The following ADPRM variants were observed in gnomAD, a reference collection of about 807,000 sequenced individuals.
The protein encoded by ADPRM is manganese-dependent ADP-ribose/CDP-alcohol diphosphatase.
Under a neutral mutation model 27.2 loss-of-function variants are expected in ADPRM, and 17 were observed. That is an observed-to-expected ratio of 0.63 (90% CI 0.43 to 0.94). The LOEUF (loss-of-function observed/expected upper bound fraction) is 0.94. Among genes scored for constraint, ADPRM ranks in the 40% least tolerant of loss-of-function variants. The pLI, the probability that ADPRM is intolerant of heterozygous loss-of-function variation, is 0.00. For synonymous variants in ADPRM, 135 were observed against 145.3 expected (o/e 0.93, Z 0.51); for missense variants, 337 against 412.8 (o/e 0.82, Z 1.59).
In ADPRM at chr17:10,705,265, C is replaced by G; in HGVS notation, c.339C>G (p.Phe113Leu). ...ATCATACATGGGGAAACCATGAATT[C>G]TATAACTTCAGTAGAGAGTATTTAA... ...PVHHTWGNHE[F>L]YNFSREYLTH... Residue 113 changes from phenylalanine (F) to leucine (L), a missense_variant, in exon 2 of 4, where the codon TTC (phenylalanine) becomes TTG (leucine). Physicochemically the swap from Phe to Leu is conservative, Grantham distance 22. Transcript: ENST00000379774. This position sits in a 1 kb window ranked among gnomAD's most constrained non-coding sequence, Gnocchi z 5.4. 7.4e-6 allele frequency: 12 copies of G among 1,614,016 alleles called. No individual in the cohort carries two copies. Among genetic ancestry groups the G allele is most frequent in the Non-Finnish European group, 1.0e-5 (12 of 1,179,966 alleles).
At position 10,706,444 on chromosome 17, in the gene ADPRM, C is replaced by G; in HGVS notation, c.608C>G (p.Ser203Cys). The G allele has an allele frequency of 6.3e-7, 1 of 1,597,540 alleles. No individual in the cohort carries two copies. Among genetic ancestry groups the G allele is most frequent in the East Asian group, 2.3e-5 (1 of 43,732 alleles). ...NTELNSPQGL[S>C]EPQFVQFNGG... ...CTTACTGAATTCATTTCAGGACTTT[C>G]TGAGCCCCAGTTTGTCCAGTTTAAT... Residue 203 changes from serine (S) to cysteine (C), a missense_variant, in exon 3 of 4, where the codon TCT (serine) becomes TGT (cysteine). Transcript: ENST00000379774.
rs1294479208 is a variant in ADPRM at position 10,701,305 on chromosome 17, A to AATTTTCT, written c.-17-3604_-17-3598dup. Among the ~76,000 whole-genome samples, 6 of 152,084 alleles carry AATTTTCT rather than the reference A, an allele frequency of 3.9e-5. No homozygotes were observed. In the East Asian group the frequency reaches 9.6e-4, roughly 24 times the overall value. On this transcript the variant is annotated intron_variant, in intron 1 of 3. Transcript: ENST00000379774. ...AGATTTGATTTTCTCTAAAGTTTTG[A>AATTTTCT]ATTTTCTTTTTTAAAAAAACTTTAT...
At chr17:10,700,856 T>A (rs149611583) in intron 1 of ADPRM, among the ~76,000 whole-genome samples, 127 of 152,296 alleles carry the variant, frequency 8.3e-4, no homozygotes, top group African/African-American at 3.0e-3. Flanking sequence ...ATAGGAATTT[T>A]GAGAGCAACT....
In ADPRM at chr17:10,704,233, C is replaced by T. The variant is rs75519383; in HGVS notation, c.-17-677C>T. 1.2e-3 allele frequency among the ~76,000 whole-genome samples: 189 copies of T among 152,108 alleles called. 1 individual carries two copies. In the East Asian group the frequency reaches 0.022, roughly 18 times the overall value. ...ATTTTAATCCCAGCTATTGAAGAAC[C>T]GGGAACCACTGCTCACAGAAATGAT... On this transcript the variant is annotated intron_variant, in intron 1 of 3. Coordinates refer to ENST00000379774, the MANE Select transcript of ADPRM (RefSeq NM_020233.5).
At position 10,711,414 on chromosome 17, in the gene ADPRM, CCCTA is replaced by C. The variant is rs1024410637; in HGVS notation, c.*274_*277del. 3.4e-4 allele frequency among the ~76,000 whole-genome samples: 52 copies of C among 152,166 alleles called. No homozygotes were observed. Among genetic ancestry groups the C allele is most frequent in the African/African-American group, 1.1e-3 (44 of 41,526 alleles). On this transcript the variant is annotated 3_prime_UTR_variant, in exon 4 of 4. Coordinates refer to ENST00000379774, the MANE Select transcript of ADPRM (RefSeq NM_020233.5). Reference sequence around the variant, plus strand: ...AGTCCTCATGAGGGATCTTATTTGGCCCTACCTGATTTTTTTTAACTTTTTACAA... The same window carrying C: ...AGTCCTCATGAGGGATCTTATTTGGCCCTGATTTTTTTTAACTTTTTACAA...
chr17:10,705,199 A>G lies in ADPRM; in HGVS notation c.273A>G (p.Glu91=). 3.7e-6 allele frequency: 6 copies of G among 1,614,116 alleles called. No individual in the cohort carries two copies. Among genetic ancestry groups the G allele is most frequent in the Non-Finnish European group, 5.1e-6 (6 of 1,180,004 alleles). ...AQYNASKKSL[E]LVMDMFKRLK... is the part of the protein sequence containing the mutation. Reference sequence around the variant, plus strand: ...ATAATGCATCCAAAAAGTCCCTAGAACTTGTTATGGACATGTTCAAGAGGC... The same window carrying G: ...ATAATGCATCCAAAAAGTCCCTAGAGCTTGTTATGGACATGTTCAAGAGGC... Residue 91 remains glutamate (E), a synonymous_variant, in exon 2 of 4, where the codon GAA becomes GAG. Transcript: ENST00000379774. This position sits in a 1 kb window ranked among gnomAD's most constrained non-coding sequence, Gnocchi z 5.4.
At chr17:10,709,431 T>TCCGAGGACCAAG (rs1178905768) in intron 3 of ADPRM, among the ~76,000 whole-genome samples, 1 of 151,926 alleles carries the variant, frequency 6.6e-6, no homozygotes. Context: ...AATAGAGAAG[T>TCCGAGGACCAAG]CCGAGGACCA....
At chr17:10,706,379 G>T in intron 2 of ADPRM, 59 bp from the exon 3 acceptor site, 1 of 1,188,274 alleles carries the variant, frequency 8.4e-7, no homozygotes, top group South Asian at 1.4e-5. Flanking sequence ...AACTAAATTT[G>T]AATGTCCAAA....
Position 10,705,782 on chromosome 17 carries a change from A to G in ADPRM, c.601+255A>G, listed in dbSNP as rs1022271574. ...TTCCGAGCTGTAAACAATACTAACA[A>G]TATTACTTTTTTGATGGATGGAATG... On this transcript the variant is annotated intron_variant, in intron 2 of 3. Transcript: ENST00000379774. This position sits in a 1 kb window ranked among gnomAD's most constrained non-coding sequence, Gnocchi z 5.4. 22 of 499,444 alleles carry G rather than the reference A, an allele frequency of 4.4e-5. No homozygotes were observed. Among genetic ancestry groups the G allele is most frequent in the South Asian group, 1.2e-4 (5 of 41,750 alleles). 30.9% of individuals were successfully genotyped at this position (499,444 alleles called of 1,614,324 possible).
chr17:10,701,739 T>C (rs2074780646), intron 1 of ADPRM, among the ~76,000 whole-genome samples: 1 of 152,218 alleles, frequency 6.6e-6, no homozygotes, highest in South Asian at 2.1e-4. Context: ...TGTCTGTATT[T>C]GATGGAGGGA....
chr17:10,706,219 G>A (rs2074811602), intron 2 of ADPRM, among the ~76,000 whole-genome samples: 1 of 152,144 alleles, frequency 6.6e-6, no homozygotes, highest in Admixed American at 6.6e-5. Context: ...TTAATATAAT[G>A]GAAAGCCAGC....
rs748430883 is a variant in ADPRM, at chr17:10,710,999, A to G, written c.884A>G (p.Asn295Ser). The G allele has an allele frequency of 1.3e-5, 21 of 1,614,022 alleles. 1 individual carries two copies. In the East Asian group the frequency reaches 2.5e-4, roughly 19 times the overall value. The change falls in exon 4 of 4, where the codon AAC becomes AGC. Residue 295 changes from asparagine to serine, a missense_variant. Asn to Ser is a conservative substitution (Grantham distance 46). Coordinates refer to ENST00000379774, the MANE Select transcript of ADPRM (RefSeq NM_020233.5). Reference sequence around the variant, plus strand: ...GATCCTTTTGGTGTATACCACGTCAACCTAGAAGGAGTTATTGAAACAGCT... The same window carrying G: ...GATCCTTTTGGTGTATACCACGTCAGCCTAGAAGGAGTTATTGAAACAGCT... ...SEDPFGVYHV[N>S]LEGVIETAPD...
Position 10,705,530 on chromosome 17 carries a change from G to A in ADPRM, c.601+3G>A. 1 of 1,609,406 alleles carries A rather than the reference G, an allele frequency of 6.2e-7. No individual in the cohort carries two copies. Among genetic ancestry groups the A allele is most frequent in the Non-Finnish European group, 8.5e-7 (1 of 1,177,232 alleles). ...TACGGAACTGAATAGTCCTCAAGGT[G>A]AATTATTCCTTTGAGCTGAGAATCT... is the stretch of plus-strand genomic sequence containing the variant. On this transcript the variant is annotated splice_donor_region_variant and intron_variant, in intron 2 of 3. Transcript: ENST00000379774. This position sits in a 1 kb window ranked among gnomAD's most constrained non-coding sequence, Gnocchi z 5.4.
chr17:10,699,675 C>T (rs114509289), intron 1 of ADPRM, among the ~76,000 whole-genome samples: 486 of 151,876 alleles, frequency 3.2e-3, no homozygotes, highest in African/African-American at 0.011. Context: ...GAGGTGCGTG[C>T]CACCAGGCCT....
At chr17:10,697,936 C>CT in intron 1 of ADPRM, 1 of 183,722 alleles carries the variant, frequency 5.4e-6, no homozygotes, top group South Asian at 1.3e-4. Context: ...CCCCATAACC[C>CT]TACCTTGTCT....
Position 10,702,259 on chromosome 17 carries a change from G to C in ADPRM, c.-17-2651G>C, listed in dbSNP as rs1445991275. Among the ~76,000 whole-genome samples the C allele has an allele frequency of 6.6e-6, 1 of 152,182 alleles. No homozygotes were observed. Among genetic ancestry groups the C allele is most frequent in the Non-Finnish European group, 1.5e-5 (1 of 68,036 alleles). On this transcript the variant is annotated intron_variant, in intron 1 of 3. Coordinates refer to ENST00000379774, the MANE Select transcript of ADPRM (RefSeq NM_020233.5). The surrounding 1 kb of genome is among the most constrained non-coding windows in gnomAD (Gnocchi z 4.2). ...TTACCCCAGAACACATCGCTGTTTT[G>C]AAGTGTGTGCCCCTTGGTGCTTCTC...
intron 1 of ADPRM, among the ~76,000 whole-genome samples, chr17:10,703,817 G>GAT (rs951693763): frequency 2.6e-5 from 4 of 152,156 alleles, no homozygotes; most frequent in Non-Finnish European, 4.4e-5. Flanking sequence ...TGACAATTTA[G>GAT]AATCTTGGCC....
intron 3 of ADPRM, among the ~76,000 whole-genome samples, chr17:10,706,851 A>C (rs2074815780): frequency 6.6e-6 from 1 of 152,220 alleles, no homozygotes; most frequent in African/African-American, 2.4e-5. Flanking sequence ...TTTTTTAAAC[A>C]TTAATATTAT....
chr17:10,705,182 T>A lies in ADPRM; in HGVS notation c.256T>A (p.Ser86Thr). 6.2e-7 allele frequency: 1 copy of A among 1,614,070 alleles called. No homozygotes were observed. Among genetic ancestry groups the A allele is most frequent in the Non-Finnish European group, 8.5e-7 (1 of 1,180,002 alleles). The change falls in exon 2 of 4, where the codon TCC (serine) becomes ACC (threonine). Residue 86 changes from serine to threonine, a missense_variant. By Grantham distance (58) the Ser-to-Thr change is moderately conservative. Coordinates refer to ENST00000379774, the MANE Select transcript of ADPRM (RefSeq NM_020233.5). This position sits in a 1 kb window ranked among gnomAD's most constrained non-coding sequence, Gnocchi z 5.4. ...TGGATATAATGCACAGTATAATGCA[T>A]CCAAAAAGTCCCTAGAACTTGTTAT... ...IDGYNAQYNA[S>T]KKSLELVMDM... is the part of the protein sequence containing the mutation.
Sources: allele counts gnomAD v4.1 joint callset (sites outside exome capture counted in the v4.1 genomes callset), GRCh38; gene constraint gnomAD v4.1.1; non-coding constraint Gnocchi (gnomAD v3.1); transcripts MANE v1.5; gene names NCBI Gene and HGNC (gene_info 2026-07-23, HGNC 2026-07-21).